The following TCF7L1 variants were observed in gnomAD, a reference collection of about 807,000 sequenced individuals.
The protein encoded by TCF7L1 is transcription factor 7 like 1, also known as transcription factor 7-like 1.
Under a neutral mutation model 63.7 loss-of-function variants are expected in TCF7L1, and 18 were observed. That is an observed-to-expected ratio of 0.28 (90% CI 0.20 to 0.42). The LOEUF is 0.42. Ranked by LOEUF, TCF7L1 falls within the 10% of genes least tolerant of loss-of-function variation. The pLI, the probability that TCF7L1 is intolerant of heterozygous loss-of-function variation, is 1.00. For synonymous variants in TCF7L1, 355 were observed against 340.9 expected (o/e 1.04, Z -0.46); for missense variants, 654 against 779.3 (o/e 0.84, Z 1.91).
chr2:85,260,330 C>T (rs1680830134), intron 3 of TCF7L1, among the ~76,000 whole-genome samples: 1 of 152,086 alleles, frequency 6.6e-6, no homozygotes, highest in Admixed American at 6.5e-5. Context: ...GTTTCCAATT[C>T]ATCATTTAAA....
intron 3 of TCF7L1, among the ~76,000 whole-genome samples, chr2:85,160,259 G>A (rs567153385): frequency 1.3e-5 from 2 of 152,148 alleles, no homozygotes; most frequent in East Asian, 1.9e-4. Context: ...TTTGTTGGCC[G>A]CATTGTGTGC....
chr2:85,140,824 G>A lies in TCF7L1; in HGVS notation c.441+6374G>A, dbSNP rs536051381. On this transcript the variant is annotated intron_variant, in intron 3 of 11. Transcript: ENST00000282111. ...TGCAGTGAGCTGAGATCGCACCATT[G>A]CACTCCAACCTGGGCAACAAGAGTG... 2.0e-5 allele frequency among the ~76,000 whole-genome samples: 3 copies of A among 152,212 alleles called. No homozygotes were observed. In the South Asian group the frequency reaches 6.2e-4, roughly 32 times the overall value.
chr2:85,239,944 T>TAAAAAAAAAAAAAAAAAAAA (rs11337671), intron 3 of TCF7L1, among the ~76,000 whole-genome samples: 1 of 104,390 alleles, frequency 9.6e-6, no homozygotes, highest in African/African-American at 3.8e-5. Flanking sequence ...AGACTCCATC[T>TAAAAAAAAAAAAAAAAAAAA]AAAAAAAAAA....
chr2:85,156,602 T>C (rs1678152760), intron 3 of TCF7L1, among the ~76,000 whole-genome samples: 1 of 152,238 alleles, frequency 6.6e-6, no homozygotes, highest in Non-Finnish European at 1.5e-5. Context: ...GTAACCGTTT[T>C]ACAGATGTAA....
chr2:85,286,897 C>T (rs944805141), intron 4 of TCF7L1, among the ~76,000 whole-genome samples: 1 of 152,172 alleles, frequency 6.6e-6, no homozygotes, highest in Non-Finnish European at 1.5e-5. Flanking sequence ...ATGATTGTGC[C>T]ACTGCACTCT....
In TCF7L1 at chr2:85,234,431, G is replaced by C. The variant is rs191224617; in HGVS notation, c.442-49064G>C. Among the ~76,000 whole-genome samples the C allele has an allele frequency of 2.7e-3, 405 of 152,202 alleles. 4 individuals are homozygous for C. Among genetic ancestry groups the C allele is most frequent in the Admixed American group, 3.1e-3 (48 of 15,290 alleles). ...TTACATGTGTGAGGCACCACACCTG[G>C]CCATTCCACTCTGATTTTAAAGGTT... On this transcript the variant is annotated intron_variant, in intron 3 of 11. Coordinates refer to ENST00000282111, the MANE Select transcript of TCF7L1 (RefSeq NM_031283.3).
At chr2:85,176,199 G>A (rs967338732) in intron 3 of TCF7L1, among the ~76,000 whole-genome samples, 1 of 152,192 alleles carries the variant, frequency 6.6e-6, no homozygotes, top group African/African-American at 2.4e-5. Flanking sequence ...TGGAAGCTCT[G>A]GTGTAGCTCT....
intron 3 of TCF7L1, among the ~76,000 whole-genome samples, chr2:85,141,631 G>C (rs1262078918): frequency 6.6e-6 from 1 of 152,220 alleles, no homozygotes; most frequent in Non-Finnish European, 1.5e-5. Context: ...TGGGATGCTG[G>C]AGTGGGAGCC....
chr2:85,139,320 TTAAAAC>T (rs1456072276), intron 3 of TCF7L1, among the ~76,000 whole-genome samples: 7 of 152,164 alleles, frequency 4.6e-5, no homozygotes, highest in African/African-American at 1.7e-4. Context: ...ATTTGCACTC[TTAAAAC>T]TAATTCCTAA....
chr2:85,150,124 T>G (rs1484964751), intron 3 of TCF7L1, among the ~76,000 whole-genome samples: 1 of 152,188 alleles, frequency 6.6e-6, no homozygotes, highest in Admixed American at 6.5e-5. Flanking sequence ...TTACTTTTAT[T>G]TATTCATTTT....
At chr2:85,301,483 T>G (rs1356842456) in intron 4 of TCF7L1, among the ~76,000 whole-genome samples, 3 of 152,232 alleles carry the variant, frequency 2.0e-5, no homozygotes, top group Non-Finnish European at 4.4e-5. Flanking sequence ...TTTAAACAAT[T>G]AAAAAGTTAA....
chr2:85,285,146 T>C (rs1681513648), intron 4 of TCF7L1, among the ~76,000 whole-genome samples: 1 of 151,760 alleles, frequency 6.6e-6, no homozygotes, highest in Non-Finnish European at 1.5e-5. Context: ...GGCAGGAGAA[T>C]GGTGTGAACC....
chr2:85,257,039 C>A (rs1680734666), intron 3 of TCF7L1, among the ~76,000 whole-genome samples: 1 of 151,572 alleles, frequency 6.6e-6, no homozygotes, highest in South Asian at 2.1e-4. Flanking sequence ...GTAGTGAGAC[C>A]CCCATCTCTA....
intron 3 of TCF7L1, among the ~76,000 whole-genome samples, chr2:85,178,913 G>A (rs1278902282): frequency 6.6e-6 from 1 of 152,168 alleles, no homozygotes; most frequent in Non-Finnish European, 1.5e-5. Context: ...TGTTTCAAAG[G>A]GAAGTGGAGT....
At chr2:85,210,102 A>AGCAGTATTTCTTGAGACCAGCCCTGT (rs1168034367) in intron 3 of TCF7L1, among the ~76,000 whole-genome samples, 1 of 152,178 alleles carries the variant, frequency 6.6e-6, no homozygotes, top group South Asian at 2.1e-4. Flanking sequence ...GTGTTGATTC[A>AGCAGTATTTCTTGAGACCAGCCCTGT]GCAGTATTTC....
At chr2:85,208,430 C>T (rs988064253) in intron 3 of TCF7L1, among the ~76,000 whole-genome samples, 2 of 151,944 alleles carry the variant, frequency 1.3e-5, no homozygotes, top group Non-Finnish European at 2.9e-5. Flanking sequence ...GCAAATAGAG[C>T]AGATAAAGCA....
At chr2:85,203,122 A>T (rs1679315060) in intron 3 of TCF7L1, among the ~76,000 whole-genome samples, 1 of 152,156 alleles carries the variant, frequency 6.6e-6, no homozygotes, top group South Asian at 2.1e-4. Flanking sequence ...GGCATGAGCC[A>T]CCGCGCCCGC....
Position 85,309,538 on chromosome 2 carries a change from T to C in TCF7L1, c.*76T>C. 1 of 1,460,202 alleles carries C rather than the reference T, an allele frequency of 6.8e-7. No individual in the cohort carries two copies. Among genetic ancestry groups the C allele is most frequent in the Non-Finnish European group, 9.2e-7 (1 of 1,090,418 alleles). The allele number at this position is 1,460,202 out of a possible 1,614,324, so 90.5% of individuals were successfully genotyped here. ...TTCAGAAGAAAAAGAAAAAGGAGAC[T>C]TTATTGGTCAATATTTGACCACTCT... On this transcript the variant is annotated 3_prime_UTR_variant, in exon 12 of 12. Transcript: ENST00000282111.
intron 3 of TCF7L1, among the ~76,000 whole-genome samples, chr2:85,231,552 T>C (rs1460831093): frequency 6.6e-6 from 1 of 152,158 alleles, no homozygotes; most frequent in Non-Finnish European, 1.5e-5. Context: ...CTCAGCTCTC[T>C]GCACCACCCA....
Sources: allele counts gnomAD v4.1 joint callset (sites outside exome capture counted in the v4.1 genomes callset), GRCh38; gene constraint gnomAD v4.1.1; transcripts MANE v1.5; gene names NCBI Gene and HGNC (gene_info 2026-07-23, HGNC 2026-07-21).